The following RBFOX1 variants were observed in gnomAD, a reference collection of about 807,000 sequenced individuals.
RBFOX1 encodes RNA binding fox-1 homolog 1, also known as RNA binding protein fox-1 homolog 1.
RBFOX1 carries 8 observed loss-of-function variants against 57.7 expected under a neutral mutation model. That is an observed-to-expected ratio of 0.14 (90% CI 0.08 to 0.25). The LOEUF (loss-of-function observed/expected upper bound fraction) is 0.25. Ranked by LOEUF, RBFOX1 falls within the 10% of genes least tolerant of loss-of-function variation. The pLI is 1.00. For missense variants in RBFOX1, 611 were observed against 548.5 expected (o/e 1.11, Z -1.14); for synonymous variants, 326 against 222.4 (o/e 1.47, Z -4.15).
At chr16:5,727,515 G>A (rs771152889) in intron 3 of RBFOX1, among the ~76,000 whole-genome samples, 3 of 152,098 alleles carry the variant, frequency 2.0e-5, no homozygotes, top group South Asian at 2.1e-4. Context: ...CTCTCTTTGC[G>A]TATTTCAAAT....
chr16:6,963,757 G>T (rs570896409), intron 3 of RBFOX1, among the ~76,000 whole-genome samples: 9 of 152,118 alleles, frequency 5.9e-5, no homozygotes, highest in Non-Finnish European at 1.0e-4. Flanking sequence ...GGAGTGCATT[G>T]GCGCGATCTC....
In RBFOX1 at chr16:5,363,420, A is replaced by G. The variant is rs528521907; in HGVS notation, c.220-103796A>G. Among the ~76,000 whole-genome samples, 10 of 152,296 alleles carry G rather than the reference A, an allele frequency of 6.6e-5. No individual in the cohort carries two copies. The South Asian group carries it at 1.7e-3, about 25-fold the overall frequency. On this transcript the variant is annotated intron_variant, in intron 1 of 2. Transcript: ENST00000585867. ...ACTTGTAAGTTTTTGAGGAAACTGC[A>G]TACTATTTTCCTTGTTTAATTTTAT...
intron 4 of RBFOX1, among the ~76,000 whole-genome samples, chr16:7,320,950 A>C (rs192540932): frequency 6.6e-6 from 1 of 152,288 alleles, no homozygotes; most frequent in Admixed American, 6.5e-5. Flanking sequence ...TTTGGACCCA[A>C]ACTTCTTATG....
intron 2 of RBFOX1, among the ~76,000 whole-genome samples, chr16:5,501,383 G>T (rs1203679346): frequency 6.7e-6 from 1 of 150,284 alleles, no homozygotes; most frequent in African/African-American, 2.5e-5. Flanking sequence ...CAGCCAAGCA[G>T]GCTCCCACAT....
At chr16:7,457,128 C>T (rs2058686110) in intron 4 of RBFOX1, among the ~76,000 whole-genome samples, 1 of 151,980 alleles carries the variant, frequency 6.6e-6, no homozygotes. Flanking sequence ...CTCAGGAGAT[C>T]CGCCTGCCTC....
At chr16:7,037,495 T>C (rs1199210039) in intron 3 of RBFOX1, among the ~76,000 whole-genome samples, 1 of 152,156 alleles carries the variant, frequency 6.6e-6, no homozygotes, top group Non-Finnish European at 1.5e-5. Context: ...CTGCTAAATA[T>C]CTAAGGAAAC....
intron 3 of RBFOX1, among the ~76,000 whole-genome samples, chr16:6,660,293 G>A (rs966658701): frequency 5.9e-5 from 9 of 151,860 alleles, no homozygotes; most frequent in Non-Finnish European, 1.2e-4. Flanking sequence ...ATGCATGCTG[G>A]GCTTAATACC....
chr16:7,630,696 T>G lies in RBFOX1; in HGVS notation c.757+13T>G. The G allele has an allele frequency of 4.3e-6, 7 of 1,614,106 alleles. No individual in the cohort carries two copies. Among genetic ancestry groups the G allele is most frequent in the Non-Finnish European group, 5.9e-6 (7 of 1,180,028 alleles). ...TATACTTCTGCAAGTAAGCCCACTG[T>G]CGTGGCTCTTTTTGTTTTGTGACAT... is the stretch of plus-strand genomic sequence containing the variant. On this transcript the variant is annotated intron_variant, in intron 11 of 15. Coordinates refer to ENST00000550418, the MANE Select transcript of RBFOX1 (RefSeq NM_018723.4).
intron 1 of RBFOX1, among the ~76,000 whole-genome samples, chr16:6,129,811 G>T (rs1165474357): frequency 6.6e-6 from 1 of 151,558 alleles, no homozygotes; most frequent in Non-Finnish European, 1.5e-5. Flanking sequence ...AAATGCAGGG[G>T]ATGAATGGTA....
chr16:7,115,140 T>C (rs543804040), intron 4 of RBFOX1, among the ~76,000 whole-genome samples: 2 of 151,246 alleles, frequency 1.3e-5, no homozygotes, highest in Middle Eastern at 3.4e-3. Flanking sequence ...ACGTGTAGAT[T>C]CTTGTTAGCA....
At chr16:7,239,042 T>A (rs996066501) in intron 4 of RBFOX1, among the ~76,000 whole-genome samples, 1 of 152,236 alleles carries the variant, frequency 6.6e-6, no homozygotes, top group Non-Finnish European at 1.5e-5. Flanking sequence ...CAGTCTATCA[T>A]TGATGGGCAT....
At chr16:5,346,924 G>T (rs2065153165) in intron 1 of RBFOX1, among the ~76,000 whole-genome samples, 1 of 152,164 alleles carries the variant, frequency 6.6e-6, no homozygotes. Flanking sequence ...ATGGACCCTG[G>T]CTTGTGGTAA....
chr16:7,289,059 A>G (rs2095707581), intron 4 of RBFOX1, among the ~76,000 whole-genome samples: 2 of 152,148 alleles, frequency 1.3e-5, no homozygotes, highest in African/African-American at 4.8e-5. Context: ...ATAAATTATT[A>G]ACATCCAACA....
chr16:6,874,815 C>T (rs764028128), intron 3 of RBFOX1, among the ~76,000 whole-genome samples: 5 of 152,094 alleles, frequency 3.3e-5, no homozygotes, highest in Non-Finnish European at 5.9e-5. Flanking sequence ...AGACTACATA[C>T]TGATTGGGTG....
chr16:5,850,886 G>C (rs2056879808), intron 3 of RBFOX1, among the ~76,000 whole-genome samples: 2 of 152,216 alleles, frequency 1.3e-5, no homozygotes, highest in South Asian at 4.1e-4. Flanking sequence ...AGTGATGAAG[G>C]ATGGCTTTTT....
chr16:5,602,392 A>C (rs538221879), downstream of RBFOX1, among the ~76,000 whole-genome samples: 35 of 152,356 alleles, frequency 2.3e-4, no homozygotes, highest in African/African-American at 8.2e-4. Flanking sequence ...AATTTTTAAA[A>C]AGATGTACCC....
chr16:6,228,023 G>C (rs1384832894), intron 1 of RBFOX1, among the ~76,000 whole-genome samples: 1 of 152,104 alleles, frequency 6.6e-6, no homozygotes, highest in Non-Finnish European at 1.5e-5. Flanking sequence ...AACTAGCCAG[G>C]GATATGGCCA....
chr16:6,396,537 G>T (rs2092842764), intron 2 of RBFOX1, among the ~76,000 whole-genome samples: 1 of 152,196 alleles, frequency 6.6e-6, no homozygotes, highest in Admixed American at 6.5e-5. Context: ...GGGAGCCCGT[G>T]GGAAGCCATA....
chr16:6,977,197 T>C (rs1401038910), intron 3 of RBFOX1, among the ~76,000 whole-genome samples: 1 of 143,542 alleles, frequency 7.0e-6, no homozygotes, highest in African/African-American at 2.6e-5. Context: ...ATCACATATA[T>C]ATGTTTTATC....
Sources: allele counts gnomAD v4.1 joint callset (sites outside exome capture counted in the v4.1 genomes callset), GRCh38; gene constraint gnomAD v4.1.1; transcripts MANE v1.5; gene names NCBI Gene and HGNC (gene_info 2026-07-23, HGNC 2026-07-21).